Variants in ZNF274 observed in about 807,000 individuals in gnomAD.
The protein encoded by ZNF274 is neurotrophin receptor-interacting factor homolog.
Under a neutral mutation model 42.5 loss-of-function variants are expected in ZNF274, and 23 were observed. The observed-to-expected ratio is 0.54, with a 90% CI of 0.39 to 0.77. ZNF274 has a LOEUF of 0.77. Ranked by LOEUF, ZNF274 falls within the 30% of genes least tolerant of loss-of-function variation. The pLI, the probability that ZNF274 is intolerant of heterozygous loss-of-function variation, is 0.00. For synonymous variants in ZNF274, 292 were observed against 305.4 expected, an observed-to-expected ratio of 0.96 and a Z score of 0.46; for missense variants, 679 against 806.5, an observed-to-expected ratio of 0.84 and a Z score of 1.91.
intron 6 of ZNF274, chr19:58,210,916 A>AT (rs1229034999): frequency 6.6e-6 from 1 of 152,260 alleles, no homozygotes; most frequent in Non-Finnish European, 1.5e-5. Context: ...GGGTTTCACC[A>AT]TGTTGGCCAG....
chr19:58,206,034 A>T (rs538285835), intron 4 of ZNF274, among the ~76,000 whole-genome samples: 1 of 152,344 alleles, frequency 6.6e-6, no homozygotes, highest in Admixed American at 6.5e-5. Flanking sequence ...CTAATTCCAG[A>T]ACATTTTCTT....
At position 58,203,340 on chromosome 19, in the gene ZNF274, T is replaced by C. The variant is rs1022114246; in HGVS notation, c.257-3380T>C. ...GGCTCACACCTGTAATCCCAGCACT[T>C]TGGGAGGCCGAGATGGACGGATCAC... On this transcript the variant is annotated intron_variant, in intron 4 of 7. Coordinates refer to ENST00000617501, the MANE Select transcript of ZNF274 (RefSeq NM_133502.3). Among the ~76,000 whole-genome samples, 13 of 152,108 alleles carry C rather than the reference T, an allele frequency of 8.5e-5. 1 individual carries two copies. Among genetic ancestry groups the C allele is most frequent in the African/African-American group, 2.4e-4 (10 of 41,432 alleles).
chr19:58,207,975 C>T lies in ZNF274; in HGVS notation c.739+773C>T, dbSNP rs927600398. ...GGGGCGAGGCTGGACACAGGCTACC[C>T]GCAGCTATTGCCATGCCCTCTGATG... On this transcript the variant is annotated intron_variant, in intron 5 of 7. Coordinates refer to ENST00000617501, the MANE Select transcript of ZNF274 (RefSeq NM_133502.3). This position sits in a 1 kb window ranked among gnomAD's most constrained non-coding sequence, Gnocchi z 5.6. The T allele has an allele frequency of 6.6e-6, 1 of 152,498 alleles. No individual in the cohort carries two copies. The highest frequency in any genetic ancestry group is 1.5e-5 in the Non-Finnish European group (1 of 68,276). 9.4% of individuals were successfully genotyped at this position (152,498 alleles called of 1,614,324 possible).
chr19:58,212,691 A>G lies in ZNF274; in HGVS notation c.1510A>G (p.Ser504Gly), dbSNP rs769669746. ...QITFIRIHKG[S>G]QVCRCSECGK... ...TACGTTTATAAGAATTCACAAGGGG[A>G]GCCAAGTTTGCCGATGCAGTGAATG... The change falls in exon 8 of 8, where the codon AGC becomes GGC. Residue 504 changes from serine to glycine, a missense_variant. This residue lies in a region of ZNF274 where 456 missense variants were observed against 590.1 expected (regional missense o/e 0.77). Coordinates refer to ENST00000617501, the MANE Select transcript of ZNF274 (RefSeq NM_133502.3). The surrounding 1 kb of genome is among the most constrained non-coding windows in gnomAD (Gnocchi z 4.6). 6.2e-7 allele frequency: 1 copy of G among 1,614,042 alleles called. No homozygotes were observed. Among genetic ancestry groups the G allele is most frequent in the Non-Finnish European group, 8.5e-7 (1 of 1,179,900 alleles).
Position 58,211,380 on chromosome 19 carries a change from T to A in ZNF274, c.853-180T>A. 4 of 662,808 alleles carry A rather than the reference T, an allele frequency of 6.0e-6. No homozygotes were observed. The highest frequency in any genetic ancestry group is 3.1e-5 in the East Asian group (1 of 32,326). The allele number at this position is 662,808 out of a possible 1,614,324, so 41.1% of individuals were successfully genotyped here. On this transcript the variant is annotated intron_variant, in intron 6 of 7. Coordinates refer to ENST00000617501, the MANE Select transcript of ZNF274 (RefSeq NM_133502.3). The surrounding 1 kb of genome is among the most constrained non-coding windows in gnomAD (Gnocchi z 4.8). ...GCCTCCCAGCCTGAGACCCAGACCC[T>A]GGTTTGGACCCAGTAGAACTCTTGT...
chr19:58,185,987 C>A, intron 3 of ZNF274, 149 bp downstream of exon 3: 1 of 563,168 alleles, frequency 1.8e-6, no homozygotes. Flanking sequence ...ATTGCCTAGT[C>A]CATCCCTCCC....
rs1032267449 is a variant in ZNF274, at chr19:58,207,314, G to A, written c.739+112G>A. On this transcript the variant is annotated intron_variant, in intron 5 of 7. Transcript: ENST00000617501. The surrounding 1 kb of genome is among the most constrained non-coding windows in gnomAD (Gnocchi z 5.6). ...GAAGGTCATGGGAAGGATTGTGTCC[G>A]CTCCATACAGACCAAGGACATCCAT... 2.6e-5 allele frequency: 37 copies of A among 1,435,146 alleles called. No homozygotes were observed. Among genetic ancestry groups the A allele is most frequent in the Admixed American group, 5.5e-5 (2 of 36,440 alleles). The allele number at this position is 1,435,146 out of a possible 1,614,324, so 88.9% of individuals were successfully genotyped here.
chr19:58,188,395 C>CA (rs1341025874), intron 4 of ZNF274, among the ~76,000 whole-genome samples: 1 of 149,756 alleles, frequency 6.7e-6, no homozygotes, highest in Non-Finnish European at 1.5e-5. Flanking sequence ...CCAAGGCAGG[C>CA]AGATCATTTG....
intron 4 of ZNF274, among the ~76,000 whole-genome samples, chr19:58,199,083 T>G (rs895686554): frequency 2.0e-5 from 3 of 151,992 alleles, no homozygotes; most frequent in Admixed American, 6.6e-5. Flanking sequence ...TGATACTATT[T>G]GGCTGGGCAC....
chr19:58,200,205 A>G (rs1173653554), intron 4 of ZNF274, among the ~76,000 whole-genome samples: 2 of 152,244 alleles, frequency 1.3e-5, no homozygotes, highest in Non-Finnish European at 2.9e-5. Context: ...CATTGGGCCT[A>G]CATCCATTCC....
chr19:58,210,294 G>A (rs2076025685), intron 6 of ZNF274: 1 of 457,096 alleles, frequency 2.2e-6, no homozygotes, highest in Non-Finnish European at 4.0e-6. Flanking sequence ...TGGTGACCCG[G>A]GAGCTGAGAA....
chr19:58,199,328 T>C, intron 4 of ZNF274, among the ~76,000 whole-genome samples: 1 of 151,742 alleles, frequency 6.6e-6, no homozygotes, highest in Non-Finnish European at 1.5e-5. Context: ...ATTGTGCCAC[T>C]ACACTTCAGC....
intron 4 of ZNF274, among the ~76,000 whole-genome samples, chr19:58,201,219 C>A (rs959011839): frequency 2.0e-5 from 3 of 149,410 alleles, no homozygotes; most frequent in African/African-American, 7.4e-5. Context: ...GCCATGTTGC[C>A]CAGGCCGGTC....
chr19:58,183,912 T>A lies in ZNF274; in HGVS notation c.-45-9T>A. ...CCTCTCCCTCCCCTCCCAACTTCGG[T>A]TTCCTCAGGACTCTGCCCACTTCCA... On this transcript the variant is annotated splice_polypyrimidine_tract_variant and intron_variant, in intron 1 of 7. Coordinates refer to ENST00000617501, the MANE Select transcript of ZNF274 (RefSeq NM_133502.3). The A allele has an allele frequency of 6.4e-7, 1 of 1,562,112 alleles. No individual in the cohort carries two copies. The highest frequency in any genetic ancestry group is 8.7e-7 in the Non-Finnish European group (1 of 1,152,890).
At chr19:58,200,353 A>C (rs1400827688) in intron 4 of ZNF274, among the ~76,000 whole-genome samples, 1 of 152,232 alleles carries the variant, frequency 6.6e-6, no homozygotes, top group African/African-American at 2.4e-5. Context: ...CATTTATAGA[A>C]AGTTCCATTG....
chr19:58,199,242 T>A (rs1202517152), intron 4 of ZNF274, among the ~76,000 whole-genome samples: 1 of 151,358 alleles, frequency 6.6e-6, no homozygotes, highest in Non-Finnish European at 1.5e-5. Context: ...GGTGGGCGCC[T>A]GTAATCCCAG....
At chr19:58,187,174 CTCGAAGTTTT>C in intron 4 of ZNF274, 132 bp downstream of exon 4, 3 of 734,636 alleles carry the variant, frequency 4.1e-6, no homozygotes, top group Non-Finnish European at 6.7e-6. Flanking sequence ...CAGAACCAAA[CTCGAAGTTTT>C]TCTCTGGCTC....
At chr19:58,210,261 G>A in intron 6 of ZNF274, 188 bp downstream of exon 6, 2 of 514,190 alleles carry the variant, frequency 3.9e-6, no homozygotes, top group Non-Finnish European at 3.5e-6. Context: ...TCCAGCCACT[G>A]TGGCATCACT....
chr19:58,207,393 C>A lies in ZNF274; in HGVS notation c.739+191C>A, dbSNP rs1362466928. Among the ~76,000 whole-genome samples the A allele has an allele frequency of 2.6e-5, 4 of 152,180 alleles. No homozygotes were observed. Among genetic ancestry groups the A allele is most frequent in the Non-Finnish European group, 5.9e-5 (4 of 68,036 alleles). On this transcript the variant is annotated intron_variant, in intron 5 of 7. Transcript: ENST00000617501. This position sits in a 1 kb window ranked among gnomAD's most constrained non-coding sequence, Gnocchi z 5.6. ...ACTGAAACCCTTGCATTCTTTAGCC[C>A]TTCGTGGGCTTCTGATGGAAGCACA...
Sources: gnomAD v4.1 joint callset for allele counts (sites outside exome capture counted in the v4.1 genomes callset) on GRCh38, gnomAD v4.1.1 for gene constraint, gnomAD v4.1.1 regional missense constraint, Gnocchi (gnomAD v3.1) non-coding constraint, MANE v1.5 for transcripts, NCBI Gene and HGNC (gene_info 2026-07-23, HGNC 2026-07-21) for gene names.